Variants in KIF9 observed in about 807,000 individuals in gnomAD.
The protein encoded by KIF9 is kinesin family member 9.
A neutral mutation model predicts 94.8 loss-of-function variants in KIF9; 68 were observed. The observed-to-expected ratio is 0.72, with a 90% CI of 0.59 to 0.88. The LOEUF is 0.88. Ranked by LOEUF, KIF9 falls within the 40% of genes least tolerant of loss-of-function variation. The probability of loss-of-function intolerance (pLI) is 0.00; values close to 1 mark genes in which losing one functional copy is unlikely to be tolerated. For missense variants in KIF9, 882 were observed against 982.5 expected (o/e 0.90, Z 1.37); for synonymous variants, 343 against 362.1 (o/e 0.95, Z 0.60).
chr3:47,265,931 A>T, intron 7 of KIF9, 54 bp from the exon 8 acceptor site: 1 of 1,594,138 alleles, frequency 6.3e-7, no homozygotes, highest in Non-Finnish European at 8.6e-7. Context: ...CTGCCCCACT[A>T]AGAATAGCAG....
At chr3:47,236,288 C>T (rs1699020610) in intron 18 of KIF9, 139 bp from the exon 19 acceptor site, 3 of 1,001,736 alleles carry the variant, frequency 3.0e-6, no homozygotes, top group African/African-American at 1.6e-5. Flanking sequence ...CCATCTCTGG[C>T]CCTCACAGTC....
intron 4 of KIF9, among the ~76,000 whole-genome samples, chr3:47,272,123 T>A (rs916958675): frequency 6.7e-6 from 1 of 150,050 alleles, no homozygotes; most frequent in Non-Finnish European, 1.5e-5. Flanking sequence ...ATCTAAAAAA[T>A]AAATAAATAA....
rs1559464838 is a variant in KIF9, at chr3:47,271,286, G to T, written c.542C>A (p.Ser181Ter). 1.2e-6 allele frequency: 2 copies of T among 1,614,104 alleles called. No individual in the cohort carries two copies. Among genetic ancestry groups the T allele is most frequent in the South Asian group, 1.1e-5 (1 of 91,066 alleles). ...NPQGVFIKGLSVHLTSQEEDA... is the reference protein window; with the variant it reads ...NPQGVFIKGL The stretch of plus-strand genomic sequence containing the variant: ...CTCCTCCTGACTTGTGAGGTGAACT[G>T]ACAAGCCCTTAATGAAGACTCCTTG... The change falls in exon 5 of 21, where the codon TCA becomes TAA. Residue 181 changes from serine to a stop codon, truncating the protein, a stop_gained. Coordinates refer to ENST00000684063, the MANE Select transcript of KIF9 (RefSeq NM_182902.4). LOFTEE classifies it high-confidence loss of function.
At position 47,240,881 on chromosome 3, in the gene KIF9, T is replaced by C; in HGVS notation, c.1844A>G (p.Gln615Arg). Reference sequence around the variant, plus strand: ...CTCCCGCTTGATGGCATTGATGTGCTGTGTGGTCTCGCTGGCCCTTTTCCT... The same window carrying C: ...CTCCCGCTTGATGGCATTGATGTGCCGTGTGGTCTCGCTGGCCCTTTTCCT... Reference protein sequence around the residue: ...ERRKRASETTQHINAIKREID... With the variant: ...ERRKRASETTRHINAIKREID... Residue 615 changes from glutamine to arginine, a missense_variant, in exon 17 of 21, where the codon CAG becomes CGG. By Grantham distance (43) the Gln-to-Arg change is conservative (BLOSUM62 1). Coordinates refer to ENST00000684063, the MANE Select transcript of KIF9 (RefSeq NM_182902.4). 1 of 1,614,240 alleles carries C rather than the reference T, an allele frequency of 6.2e-7. No individual in the cohort carries two copies. The highest frequency in any genetic ancestry group is 1.1e-5 in the South Asian group (1 of 91,088).
intron 1 of KIF9, among the ~76,000 whole-genome samples, chr3:47,281,640 G>A (rs542397270): frequency 6.6e-6 from 1 of 152,190 alleles, no homozygotes; most frequent in African/African-American, 2.4e-5. Context: ...GAGCCACGGC[G>A]CCCGGCCCCC....
chr3:47,233,663 T>A (rs1354547828), intron 20 of KIF9, among the ~76,000 whole-genome samples: 1 of 151,094 alleles, frequency 6.6e-6, no homozygotes, highest in Non-Finnish European at 1.5e-5. Context: ...GCCACTGCAC[T>A]CTAGCCTGGG....
chr3:47,273,841 T>A (rs1701798486), intron 3 of KIF9, among the ~76,000 whole-genome samples, 183 bp from the exon 4 acceptor site: 1 of 152,094 alleles, frequency 6.6e-6, no homozygotes, highest in South Asian at 2.1e-4. Context: ...GGGACAAAAG[T>A]GGTCAAAACA....
intron 9 of KIF9, among the ~76,000 whole-genome samples, chr3:47,259,689 G>A (rs1258997939): frequency 6.7e-6 from 1 of 148,852 alleles, no homozygotes; most frequent in Non-Finnish European, 1.5e-5. Context: ...TCTCTGAAAC[G>A]TGTGCTGTGT....
In KIF9 at chr3:47,282,767, G is replaced by C. The variant is rs1702479795; in HGVS notation, c.-278C>G. 7.0e-7 allele frequency: 1 copy of C among 1,428,760 alleles called. No individual in the cohort carries two copies. The highest frequency in any genetic ancestry group is 9.1e-7 in the Non-Finnish European group (1 of 1,095,400). The allele number at this position is 1,428,760 out of a possible 1,614,324, so 88.5% of individuals were successfully genotyped here. A position where few individuals can be genotyped will look rare whatever the true frequency, so the allele number is the denominator to read the frequency against. On this transcript the variant is annotated 5_prime_UTR_variant, in exon 1 of 21. Coordinates refer to ENST00000684063, the MANE Select transcript of KIF9 (RefSeq NM_182902.4). ...CATGCGAAGTCAAGGTCGAGATAGCGAGGGAACGAAGGCCGCACATGAACC... is the reference window on the plus strand; with the variant it reads ...CATGCGAAGTCAAGGTCGAGATAGCCAGGGAACGAAGGCCGCACATGAACC...
chr3:47,237,958 A>C (rs1158291038), intron 17 of KIF9, among the ~76,000 whole-genome samples: 1 of 152,218 alleles, frequency 6.6e-6, no homozygotes, highest in African/African-American at 2.4e-5. Context: ...TACAGAGTAG[A>C]GGCTTTACAG....
chr3:47,282,670 G>A lies in KIF9; in HGVS notation c.-181C>T. ...GTCCGAGGTCCTACGTCGAGGATAC[G>A]GGTGAGGTCATGGCCGAATCGGGAA... On this transcript the variant is annotated 5_prime_UTR_variant, in exon 1 of 21. Transcript: ENST00000684063. 2 of 1,280,924 alleles carry A rather than the reference G, an allele frequency of 1.6e-6. No homozygotes were observed. The highest frequency in any genetic ancestry group is 2.0e-6 in the Non-Finnish European group (2 of 1,003,102). The allele number at this position is 1,280,924 out of a possible 1,614,324, so 79.3% of individuals were successfully genotyped here.
chr3:47,240,027 C>CAT, intron 17 of KIF9: 1 of 976,390 alleles, frequency 1.0e-6, no homozygotes, highest in Non-Finnish European at 1.4e-6. Context: ...CTGGGCCCTG[C>CAT]TCCATCTCTC....
intron 10 of KIF9, among the ~76,000 whole-genome samples, chr3:47,253,636 ATC>A (rs902938777): frequency 3.2e-4 from 49 of 152,194 alleles, no homozygotes; most frequent in African/African-American, 1.1e-3. Context: ...TGATATCAGC[ATC>A]TCTCTGCATG....
chr3:47,260,376 C>A (rs1000106868), intron 9 of KIF9, among the ~76,000 whole-genome samples: 1 of 152,044 alleles, frequency 6.6e-6, no homozygotes, highest in East Asian at 1.9e-4. Context: ...ATATGCTGAA[C>A]GCTGGTTCCC....
intron 4 of KIF9, 106 bp downstream of exon 4, chr3:47,273,444 CTT>C (rs1701768330): frequency 1.2e-6 from 1 of 804,544 alleles, no homozygotes; most frequent in Non-Finnish European, 2.0e-6. Context: ...ACTGCAACTC[CTT>C]TGAGGCCTGG....
At chr3:47,273,368 T>C (rs1450790503) in intron 4 of KIF9, among the ~76,000 whole-genome samples, 184 bp downstream of exon 4, 2 of 152,124 alleles carry the variant, frequency 1.3e-5, no homozygotes, top group African/African-American at 2.4e-5. Flanking sequence ...AACCTCCTGG[T>C]TTCCTGAGGC....
intron 17 of KIF9, chr3:47,240,130 G>A: frequency 2.8e-6 from 1 of 351,036 alleles, no homozygotes; most frequent in Non-Finnish European, 5.4e-6. Flanking sequence ...GGTGGGCCTT[G>A]GCCCTCAGTG....
chr3:47,253,068 C>T (rs1186059065), intron 10 of KIF9, among the ~76,000 whole-genome samples: 1 of 151,838 alleles, frequency 6.6e-6, no homozygotes, highest in Non-Finnish European at 1.5e-5. Flanking sequence ...AAGCAGAAAA[C>T]CATACAAAAT....
chr3:47,247,825 C>T (rs1265310259), intron 11 of KIF9, among the ~76,000 whole-genome samples, 193 bp downstream of exon 11: 2 of 152,138 alleles, frequency 1.3e-5, no homozygotes, highest in Non-Finnish European at 2.9e-5. Context: ...CCCTCAGGAC[C>T]GTTGGAGGAC....
Sources: gnomAD v4.1 joint callset for allele counts (sites outside exome capture counted in the v4.1 genomes callset) on GRCh38, gnomAD v4.1.1 for gene constraint, MANE v1.5 for transcripts, NCBI Gene and HGNC (gene_info 2026-07-23, HGNC 2026-07-21) for gene names.